HSD17B12: variants seen among roughly 807,000 people sequenced by gnomAD.
HSD17B12 encodes hydroxysteroid 17-beta dehydrogenase 12.
HSD17B12 carries 32 observed loss-of-function variants against 39.3 expected under a neutral mutation model. The ratio of observed to expected loss-of-function variants is 0.81; its 90% confidence interval spans 0.61 to 1.09. The LOEUF (loss-of-function observed/expected upper bound fraction) is 1.09. Among genes scored for constraint, HSD17B12 ranks in the 50% least tolerant of loss-of-function variants. HSD17B12 has a pLI of 0.00. For synonymous variants in HSD17B12, 150 were observed against 146.7 expected (o/e 1.02, Z -0.16); for missense variants, 342 against 382.9 (o/e 0.89, Z 0.89).
At chr11:43,790,767 G>C (rs545817389) in intron 3 of HSD17B12, among the ~76,000 whole-genome samples, 1 of 152,060 alleles carries the variant, frequency 6.6e-6, no homozygotes, top group African/African-American at 2.4e-5. Flanking sequence ...TGAGGCAGGC[G>C]GATCACCTGA....
the HSD17B12 span, among the ~76,000 whole-genome samples, chr11:43,561,493 G>A: frequency 1.2e-3 from 185 of 152,298 alleles, no homozygotes; most frequent in Non-Finnish European, 2.2e-3. Context: ...AGCAAAGCTA[G>A]AGGGCATCTT....
chr11:43,776,044 T>A (rs944013789), intron 3 of HSD17B12, among the ~76,000 whole-genome samples: 27 of 152,214 alleles, frequency 1.8e-4, no homozygotes, highest in Non-Finnish European at 2.1e-4. Flanking sequence ...TTTGCCATTG[T>A]GAATAATGAC....
the HSD17B12 span, among the ~76,000 whole-genome samples, chr11:43,588,610 C>CCATTATTATTATTATTATTAT: frequency 4.8e-5 from 7 of 144,982 alleles, no homozygotes; most frequent in East Asian, 6.1e-4. Context: ...TTATTATTAG[C>CCATTATTATTATTATTATTAT]TATTATTATT....
In HSD17B12 at chr11:43,830,662, G is replaced by T. The variant is rs530813218; in HGVS notation, c.502-314G>T. 2.1e-4 allele frequency: 39 copies of T among 188,548 alleles called. No homozygotes were observed. The South Asian group carries it at 6.3e-3, about 31-fold the overall frequency. 11.7% of individuals were successfully genotyped at this position (188,548 alleles called of 1,614,324 possible). A position where few individuals can be genotyped will look rare whatever the true frequency, so the allele number is the denominator to read the frequency against. On this transcript the variant is annotated intron_variant, in intron 6 of 10. Transcript: ENST00000278353. The stretch of plus-strand genomic sequence containing the variant: ...ATATTCTTTTCTGAGAATGCATTTT[G>T]GGAAATGTAGATTTTCACTGTAAAT...
At chr11:43,634,039 A>G in the HSD17B12 span, among the ~76,000 whole-genome samples, 4 of 131,356 alleles carry the variant, frequency 3.0e-5, no homozygotes, top group Non-Finnish European at 4.7e-5. Context: ...ACACCATTGC[A>G]CTCCAGCCTG....
At chr11:43,573,648 C>T in the HSD17B12 span, among the ~76,000 whole-genome samples, 1 of 152,218 alleles carries the variant, frequency 6.6e-6, no homozygotes, top group Non-Finnish European at 1.5e-5. Flanking sequence ...ATCTCAACAT[C>T]AGACACAATA....
At chr11:43,631,987 A>G in the HSD17B12 span, among the ~76,000 whole-genome samples, 1 of 151,996 alleles carries the variant, frequency 6.6e-6, no homozygotes, top group Non-Finnish European at 1.5e-5. Context: ...GTCGGTTACT[A>G]CTGAGCAGAG....
At chr11:43,708,020 A>G (rs1950030951) in intron 1 of HSD17B12, among the ~76,000 whole-genome samples, 2 of 152,166 alleles carry the variant, frequency 1.3e-5, no homozygotes, top group African/African-American at 4.8e-5. Flanking sequence ...TTTTTTTGTA[A>G]GGGCATTAAT....
the HSD17B12 span, chr11:43,645,581 A>G: frequency 6.6e-6 from 1 of 152,244 alleles, no homozygotes; most frequent in African/African-American, 2.4e-5. Flanking sequence ...ATTTTAGTGC[A>G]TATAAAAACT....
chr11:43,856,079 A>C lies in HSD17B12; in HGVS notation c.*831A>C, dbSNP rs1951580718. ...CCAATATTGATCACACATATGACAC[A>C]GGCTAGTCCTATAAAAGTAATGACT... is the stretch of plus-strand genomic sequence containing the variant. On this transcript the variant is annotated 3_prime_UTR_variant, in exon 11 of 11. Coordinates refer to ENST00000278353, the MANE Select transcript of HSD17B12 (RefSeq NM_016142.3). 1 of 152,494 alleles carries C rather than the reference A, an allele frequency of 6.6e-6. No individual in the cohort carries two copies. The highest frequency in any genetic ancestry group is 1.5e-5 in the Non-Finnish European group (1 of 68,042). The allele number at this position is 152,494 out of a possible 1,614,324, so 9.4% of individuals were successfully genotyped here.
chr11:43,649,443 G>T, the HSD17B12 span, among the ~76,000 whole-genome samples: 3 of 152,140 alleles, frequency 2.0e-5, no homozygotes, highest in African/African-American at 7.2e-5. Context: ...TGAGGTAGAA[G>T]AATTCTAAAT....
intron 1 of HSD17B12, chr11:43,719,018 A>C (rs1253434063): frequency 1.0e-6 from 1 of 966,580 alleles, no homozygotes; most frequent in East Asian, 2.4e-5. Context: ...GGCTGTGAAG[A>C]AGCTCTATGA....
chr11:43,842,419 A>G lies in HSD17B12; in HGVS notation c.684+2355A>G, dbSNP rs1011487402. Among the ~76,000 whole-genome samples, 23 of 152,194 alleles carry G rather than the reference A, an allele frequency of 1.5e-4. 1 individual carries two copies. ...TTCATCCAAGGGAAGCTTAGATGTC[A>G]TAGCCACTTGGTGTTATTTCTGACT... On this transcript the variant is annotated intron_variant, in intron 9 of 10. Coordinates refer to ENST00000278353, the MANE Select transcript of HSD17B12 (RefSeq NM_016142.3).
chr11:43,629,476 CA>C, the HSD17B12 span, among the ~76,000 whole-genome samples: 1 of 152,164 alleles, frequency 6.6e-6, no homozygotes, highest in Admixed American at 6.5e-5. Flanking sequence ...AAGCTTTAAA[CA>C]TATTGTGCGA....
intron 1 of HSD17B12, among the ~76,000 whole-genome samples, chr11:43,717,152 T>G (rs1950131399): frequency 6.6e-6 from 1 of 152,230 alleles, no homozygotes; most frequent in Non-Finnish European, 1.5e-5. Flanking sequence ...GATGTGCTAA[T>G]AAGAAATCAT....
chr11:43,848,708 A>G (rs544300181), intron 9 of HSD17B12, among the ~76,000 whole-genome samples: 1 of 152,332 alleles, frequency 6.6e-6, no homozygotes, highest in East Asian at 1.9e-4. Flanking sequence ...AGATCACACA[A>G]CTAGTAAGTG....
intron 3 of HSD17B12, among the ~76,000 whole-genome samples, chr11:43,792,126 AC>A (rs1187982442): frequency 6.6e-6 from 1 of 152,094 alleles, no homozygotes; most frequent in Non-Finnish European, 1.5e-5. Flanking sequence ...GGGATGTCTC[AC>A]CCCAAGGGAT....
At chr11:43,749,297 A>T (rs1359582943) in intron 1 of HSD17B12, among the ~76,000 whole-genome samples, 1 of 152,164 alleles carries the variant, frequency 6.6e-6, no homozygotes, top group Non-Finnish European at 1.5e-5. Flanking sequence ...AACAAATTTT[A>T]TTATGGAACA....
intron 6 of HSD17B12, among the ~76,000 whole-genome samples, chr11:43,823,519 C>A (rs770510051): frequency 1.3e-5 from 2 of 152,098 alleles, no homozygotes; most frequent in Non-Finnish European, 2.9e-5. Flanking sequence ...GATCCTCCTG[C>A]CTCAGCTTCC....
Sources: gnomAD v4.1 joint callset for allele counts (sites outside exome capture counted in the v4.1 genomes callset) on GRCh38, gnomAD v4.1.1 for gene constraint, MANE v1.5 for transcripts, NCBI Gene and HGNC (gene_info 2026-07-23, HGNC 2026-07-21) for gene names.